The following HIVEP3 variants were observed in gnomAD, a reference collection of about 807,000 sequenced individuals.
HIVEP3 encodes the protein HIVEP zinc finger 3.
A neutral mutation model predicts 152.8 loss-of-function variants in HIVEP3; 49 were observed. That is an observed-to-expected ratio of 0.32 (90% CI 0.26 to 0.41). HIVEP3 has a LOEUF of 0.41. Among genes scored for constraint, HIVEP3 ranks in the 10% least tolerant of loss-of-function variants. HIVEP3 has a pLI of 1.00. For synonymous variants in HIVEP3, 1,269 were observed against 1,289.0 expected (o/e 0.98, Z 0.33); for missense variants, 2,790 against 3,103.3 (o/e 0.90, Z 2.40).
intron 1 of HIVEP3, among the ~76,000 whole-genome samples, chr1:41,929,264 A>G (rs1644983666): frequency 6.6e-6 from 1 of 152,146 alleles, no homozygotes; most frequent in Non-Finnish European, 1.5e-5. Context: ...ATTTTTATCA[A>G]AACAGACTCA....
chr1:41,886,961 A>G lies in HIVEP3; in HGVS notation c.-801+31452T>C, dbSNP rs573377534. 9.2e-5 allele frequency among the ~76,000 whole-genome samples: 14 copies of G among 152,284 alleles called. No individual in the cohort carries two copies. In the East Asian group the frequency reaches 2.3e-3, roughly 25 times the overall value. ...CTTTTTGGTGGGAATTACACAAAATATATTTTATCAAAATTCCTGTATTGT... is the reference window on the plus strand; with the variant it reads ...CTTTTTGGTGGGAATTACACAAAATGTATTTTATCAAAATTCCTGTATTGT... On this transcript the variant is annotated intron_variant, in intron 1 of 8. Coordinates refer to ENST00000372583, the MANE Select transcript of HIVEP3 (RefSeq NM_024503.5).
intron 1 of HIVEP3, among the ~76,000 whole-genome samples, chr1:41,892,049 T>C (rs1327567274): frequency 3.3e-5 from 5 of 152,146 alleles, no homozygotes; most frequent in African/African-American, 1.2e-4. Flanking sequence ...CCTAGGAAAA[T>C]AGCTTGCATC....
At chr1:41,849,295 A>G (rs1643529321) in intron 1 of HIVEP3, among the ~76,000 whole-genome samples, 1 of 152,236 alleles carries the variant, frequency 6.6e-6, no homozygotes, top group African/African-American at 2.4e-5. Flanking sequence ...CGACAGATGC[A>G]CGCAGATATA....
rs371837035 is a variant in HIVEP3, at chr1:41,999,886, C to CT, written n.119+35920dup. On this transcript the variant is annotated intron_variant and non_coding_transcript_variant, in intron 1 of 3. Coordinates refer to the HIVEP3 transcript ENST00000489103. ...AAGCCACGCAGCAAATTGATCCATT[C>CT]TTTTTTTTTTTTCAAACTTTTATTA... Among the ~76,000 whole-genome samples the CT allele has an allele frequency of 9.6e-3, 1,390 of 144,138 alleles. 18 individuals carry two copies. The highest frequency in any genetic ancestry group is 0.032 in the African/African-American group (1,265 of 39,472). 94.6% of individuals were successfully genotyped at this position (144,138 alleles called of 152,430 possible). A position where few individuals can be genotyped will look rare whatever the true frequency, so the allele number is the denominator to read the frequency against.
At position 41,825,231 on chromosome 1, in the gene HIVEP3, C is replaced by T. The variant is rs138405942; in HGVS notation, c.-801+93182G>A. ...GAAGTTACAAAGTACATTCTCAAGG[C>T]GGGAGGATGTTACAAAGTACATTCA... On this transcript the variant is annotated intron_variant, in intron 1 of 8. Transcript: ENST00000372583. Among the ~76,000 whole-genome samples the T allele has an allele frequency of 2.6e-3, 392 of 151,990 alleles. 3 individuals carry two copies. In the Middle Eastern group the frequency reaches 0.034, roughly 13 times the overall value.
intron 4 of HIVEP3, among the ~76,000 whole-genome samples, chr1:41,576,370 C>T (rs571714468): frequency 1.3e-5 from 2 of 152,334 alleles, no homozygotes; most frequent in East Asian, 3.9e-4. Context: ...TACAGAGCCA[C>T]ACCTCAGTGA....
intron 1 of HIVEP3, among the ~76,000 whole-genome samples, chr1:41,751,324 ATTT>A (rs35864189): frequency 4.8e-5 from 5 of 104,544 alleles, no homozygotes; most frequent in Middle Eastern, 0.012. Flanking sequence ...ACTGACACAC[ATTT>A]TTTTTTTTTT....
At chr1:41,860,288 CCTT>C (rs1424879807) in intron 1 of HIVEP3, among the ~76,000 whole-genome samples, 1 of 152,170 alleles carries the variant, frequency 6.6e-6, no homozygotes, top group Non-Finnish European at 1.5e-5. Context: ...AGATGGAAAA[CCTT>C]CGTGGTCATA....
intron 1 of HIVEP3, among the ~76,000 whole-genome samples, chr1:41,761,861 C>T (rs11210522): frequency 0.089 from 13,545 of 152,254 alleles, 1,587 homozygotes; most frequent in African/African-American, 0.26. Context: ...AATCCCAAGG[C>T]AGACAGGGGC....
intron 1 of HIVEP3, among the ~76,000 whole-genome samples, chr1:41,850,985 T>C (rs953588125): frequency 5.3e-5 from 8 of 152,318 alleles, no homozygotes; most frequent in African/African-American, 1.9e-4. Flanking sequence ...TTGCAGAGTA[T>C]CTCCTGATCA....
At chr1:41,797,493 A>G (rs7522667) in intron 1 of HIVEP3, among the ~76,000 whole-genome samples, 5,831 of 152,040 alleles carry the variant, frequency 0.038, 362 homozygotes, top group African/African-American at 0.13. Flanking sequence ...TTTAAATTAC[A>G]TGCTTCTTCT....
intron 5 of HIVEP3, among the ~76,000 whole-genome samples, chr1:41,569,394 A>G (rs1286338930): frequency 6.6e-6 from 1 of 152,158 alleles, no homozygotes; most frequent in Non-Finnish European, 1.5e-5. Flanking sequence ...AGAGTGGCTT[A>G]CTGACTTTAT....
intron 5 of HIVEP3, among the ~76,000 whole-genome samples, chr1:41,574,090 C>A (rs1329480158): frequency 2.0e-4 from 30 of 152,142 alleles, no homozygotes; most frequent in Admixed American, 2.0e-3. Flanking sequence ...CCTCCCCGGG[C>A]ACACACAGAC....
intron 1 of HIVEP3, among the ~76,000 whole-genome samples, chr1:41,825,269 G>A (rs1433728130): frequency 2.0e-5 from 3 of 152,036 alleles, no homozygotes; most frequent in Non-Finnish European, 4.4e-5. Flanking sequence ...AGGGCGGGGA[G>A]GGCATATTGT....
chr1:41,702,381 G>A (rs150196345), intron 1 of HIVEP3, among the ~76,000 whole-genome samples: 2,339 of 152,206 alleles, frequency 0.015, 28 homozygotes, highest in Non-Finnish European at 0.018. Context: ...TTATAATAGA[G>A]TTATTTGTAT....
At chr1:42,033,058 C>T (rs958173520) in intron 1 of HIVEP3, among the ~76,000 whole-genome samples, 7 of 151,944 alleles carry the variant, frequency 4.6e-5, no homozygotes, top group Non-Finnish European at 7.4e-5. Flanking sequence ...GACAGGTGCC[C>T]GCATGCAGAG....
At chr1:41,960,872 T>C (rs974732240) in intron 1 of HIVEP3, among the ~76,000 whole-genome samples, 2 of 152,196 alleles carry the variant, frequency 1.3e-5, no homozygotes, top group African/African-American at 4.8e-5. Context: ...TGGCAGATTG[T>C]TCTTTCCAAA....
intron 3 of HIVEP3, among the ~76,000 whole-genome samples, chr1:41,589,855 G>A (rs1283852257): frequency 6.6e-6 from 1 of 152,178 alleles, no homozygotes; most frequent in Non-Finnish European, 1.5e-5. Context: ...CCAAAATCTG[G>A]TCAAAAATTT....
Position 41,664,920 on chromosome 1 carries a change from T to C in HIVEP3, c.-720-35973A>G, listed in dbSNP as rs1053868303. On this transcript the variant is annotated intron_variant, in intron 2 of 8. Transcript: ENST00000372583. The surrounding 1 kb of genome is among the most constrained non-coding windows in gnomAD (Gnocchi z 4.4). Reference sequence around the variant, plus strand: ...GCCCTAATGAGGTGGAGGGGAAGGATGAAGGAAAATGCAATTTGTCAAGCC... The same window carrying C: ...GCCCTAATGAGGTGGAGGGGAAGGACGAAGGAAAATGCAATTTGTCAAGCC... Among the ~76,000 whole-genome samples the C allele has an allele frequency of 5.3e-5, 8 of 152,124 alleles. No homozygotes were observed. Among genetic ancestry groups the C allele is most frequent in the Admixed American group, 1.3e-4 (2 of 15,276 alleles).
Sources: allele counts gnomAD v4.1 joint callset (sites outside exome capture counted in the v4.1 genomes callset), GRCh38; gene constraint gnomAD v4.1.1; non-coding constraint Gnocchi (gnomAD v3.1); transcripts MANE v1.5; gene names NCBI Gene and HGNC (gene_info 2026-07-23, HGNC 2026-07-21).